The following COL6A1 variants were observed in gnomAD, a reference collection of about 807,000 sequenced individuals.
COL6A1 encodes the protein collagen alpha-1(VI) chain.
COL6A1 carries 80 observed loss-of-function variants against 145.6 expected under a neutral mutation model. The ratio of observed to expected loss-of-function variants is 0.55; its 90% CI spans 0.46 to 0.66. The LOEUF is 0.66. Among genes scored for constraint, COL6A1 ranks in the 30% least tolerant of loss-of-function variants. The pLI is 0.00. For missense variants in COL6A1, 1,364 were observed against 1,473.8 expected, an observed-to-expected ratio of 0.93 and a Z score of 1.22; for synonymous variants, 638 against 622.8, an observed-to-expected ratio of 1.02 and a Z score of -0.36.
intron 13 of COL6A1, 118 bp from the exon 14 acceptor site, chr21:45,990,655 C>A: frequency 1.0e-6 from 1 of 954,548 alleles, no homozygotes; most frequent in Non-Finnish European, 1.7e-6. Context: ...GGGGTGTCTG[C>A]TAGGCAGGGC....
At chr21:45,984,781 G>C (rs371126304) in intron 3 of COL6A1, among the ~76,000 whole-genome samples, 9 of 145,012 alleles carry the variant, frequency 6.2e-5, no homozygotes, top group African/African-American at 2.3e-4. Flanking sequence ...AACAGAGACA[G>C]AGACAGAGAC....
At position 46,003,849 on chromosome 21, in the gene COL6A1, G is replaced by C. The variant is rs371359058; in HGVS notation, c.2923G>C (p.Gly975Arg). 3.7e-6 allele frequency: 6 copies of C among 1,601,402 alleles called. No homozygotes were observed. The highest frequency in any genetic ancestry group is 1.7e-4 in the Middle Eastern group (1 of 6,040). The change falls in exon 35 of 35, where the codon GGC becomes CGC. Residue 975 changes from glycine to arginine, a missense_variant. Coordinates refer to ENST00000361866, the MANE Select transcript of COL6A1 (RefSeq NM_001848.3). ...AGIEIFVVVV[G>R]RQVNEPHIRV... Reference sequence around the variant, plus strand: ...CATCGAGATCTTCGTGGTGGTCGTGGGCCGCCAGGTGAATGAGCCCCACAT... The same window carrying C: ...CATCGAGATCTTCGTGGTGGTCGTGCGCCGCCAGGTGAATGAGCCCCACAT...
Position 46,002,317 on chromosome 21 carries a change from C to T in COL6A1, c.2166C>T (p.Arg722=). 2 of 1,593,242 alleles carry T rather than the reference C, an allele frequency of 1.3e-6. No homozygotes were observed. The highest frequency in any genetic ancestry group is 1.7e-6 in the Non-Finnish European group (2 of 1,171,526). The change falls in exon 32 of 35, where the codon CGC becomes CGT. Residue 722 remains arginine, a synonymous_variant. Transcript: ENST00000361866. Reference sequence around the variant, plus strand: ...TGCTGCCGCCCAGCCCGAACAACCGCATCGCCCTGGTCATCACTGACGGGC... The same window carrying T: ...TGCTGCCGCCCAGCCCGAACAACCGTATCGCCCTGGTCATCACTGACGGGC... ...DQLLPPSPNN[R]IALVITDGRS...
At chr21:45,999,800 T>C (rs1185042097) in intron 27 of COL6A1, 108 bp downstream of exon 27, 2 of 682,674 alleles carry the variant, frequency 2.9e-6, no homozygotes, top group Non-Finnish European at 2.3e-6. Context: ...CACGGGGGGG[T>C]GGGTTGTGGA....
Position 45,998,223 on chromosome 21 carries a change from G to C in COL6A1, c.1575+52G>C, listed in dbSNP as rs190002447. ...GGAACATGCCCAAGCTGCCTGCGGCGCCCTCTTTAGTGGACTGGGCACTCT... is the reference window on the plus strand; with the variant it reads ...GGAACATGCCCAAGCTGCCTGCGGCCCCCTCTTTAGTGGACTGGGCACTCT... On this transcript the variant is annotated intron_variant, in intron 23 of 34. Coordinates refer to ENST00000361866, the MANE Select transcript of COL6A1 (RefSeq NM_001848.3). 14 of 1,598,520 alleles carry C rather than the reference G, an allele frequency of 8.8e-6. No individual in the cohort carries two copies. The Admixed American group carries it at 2.1e-4, about 23-fold the overall frequency.
chr21:46,002,717 A>G lies in COL6A1; in HGVS notation c.2434+7A>G, dbSNP rs769385161. The G allele has an allele frequency of 1.2e-5, 19 of 1,610,228 alleles. No individual in the cohort carries two copies. Among genetic ancestry groups the G allele is most frequent in the East Asian group, 4.5e-5 (2 of 44,730 alleles). ...ACCGCCCAGATCTGCATAGGTGCGC[A>G]TGGGGCCACCCGGGCAGTCCCAGAT... On this transcript the variant is annotated splice_region_variant and intron_variant, in intron 33 of 34. Coordinates refer to ENST00000361866, the MANE Select transcript of COL6A1 (RefSeq NM_001848.3).
At chr21:45,999,819 T>G in intron 27 of COL6A1, 127 bp downstream of exon 27, 1 of 772,684 alleles carries the variant, frequency 1.3e-6, no homozygotes. Context: ...GACAAAGAGC[T>G]GGTGCCAGGC....
Position 45,994,025 on chromosome 21 carries a change from G to A in COL6A1, c.1336-142G>A. 1 of 861,270 alleles carries A rather than the reference G, an allele frequency of 1.2e-6. No homozygotes were observed. Among genetic ancestry groups the A allele is most frequent in the Non-Finnish European group, 1.9e-6 (1 of 521,788 alleles). 53.4% of individuals were successfully genotyped at this position (861,270 alleles called of 1,614,324 possible). A position where few individuals can be genotyped will look rare whatever the true frequency, so the allele number is the denominator to read the frequency against. The stretch of plus-strand genomic sequence containing the variant: ...GTGGGCCGAGGAAACGCTTGGCGAG[G>A]CCAGGAAGGGGCTGTGCGGGGAGGG... On this transcript the variant is annotated intron_variant, in intron 19 of 34. Transcript: ENST00000361866. The surrounding 1 kb of genome is among the most constrained non-coding windows in gnomAD (Gnocchi z 6.8).
rs140701644 is a variant in COL6A1 at position 46,004,647 on chromosome 21, C to T, written c.*634C>T. 4.8e-5 allele frequency: 21 copies of T among 435,446 alleles called. No individual in the cohort carries two copies. Among genetic ancestry groups the T allele is most frequent in the East Asian group, 4.4e-4 (6 of 13,518 alleles). 27.0% of individuals were successfully genotyped at this position (435,446 alleles called of 1,614,324 possible). On this transcript the variant is annotated 3_prime_UTR_variant, in exon 35 of 35. Coordinates refer to ENST00000361866, the MANE Select transcript of COL6A1 (RefSeq NM_001848.3). The stretch of plus-strand genomic sequence containing the variant: ...AGGAGGCCGTTGCAGACATAAATCT[C>T]GGCGACTCGGCCCCGTCTCCTGAGG...
chr21:45,985,227 AGCAGAG>A (rs2077732434), intron 3 of COL6A1, among the ~76,000 whole-genome samples: 2 of 147,840 alleles, frequency 1.4e-5, no homozygotes, highest in African/African-American at 5.0e-5. Context: ...GACAGAGAGA[AGCAGAG>A]ACAGGGACAG....
chr21:45,982,943 C>T (rs927272472), intron 2 of COL6A1, among the ~76,000 whole-genome samples, 180 bp downstream of exon 2: 1 of 152,198 alleles, frequency 6.6e-6, no homozygotes, highest in African/African-American at 2.4e-5. Context: ...CCGGCGCCCT[C>T]CAGAGTGAGC....
rs1359706988 is a variant in COL6A1, at chr21:46,002,227, G to A, written c.2076G>A (p.Lys692=). The change falls in exon 32 of 35, where the codon AAG becomes AAA. Residue 692 remains lysine, a synonymous_variant. Transcript: ENST00000361866. ...GCCCTTTGCTATGCAGAGCCATCAA[G>A]AGCCTGCAGTGGATGGCGGGCGGCA... ...RNVQELKEAI[K]SLQWMAGGTF... The A allele has an allele frequency of 1.2e-6, 2 of 1,602,186 alleles. No homozygotes were observed. Among genetic ancestry groups the A allele is most frequent in the East Asian group, 2.2e-5 (1 of 44,460 alleles).
chr21:45,989,907 C>A (rs556248803), intron 11 of COL6A1, 129 bp downstream of exon 11: 31 of 1,237,444 alleles, frequency 2.5e-5, no homozygotes, highest in Admixed American at 9.2e-5. Context: ...CGCTCCACCG[C>A]CCCTCGCCGT....
chr21:46,004,218 G>T lies in COL6A1; in HGVS notation c.*205G>T, dbSNP rs1384248136. 4.5e-6 allele frequency: 3 copies of T among 672,710 alleles called. No homozygotes were observed. Among genetic ancestry groups the T allele is most frequent in the Non-Finnish European group, 7.5e-6 (3 of 401,290 alleles). The allele number at this position is 672,710 out of a possible 1,614,324, so 41.7% of individuals were successfully genotyped here. On this transcript the variant is annotated 3_prime_UTR_variant, in exon 35 of 35. Transcript: ENST00000361866. ...TCAGCCCTGAGTTGGCATCACCTGCGCAGGGCCCTCTGGGGCTCAGCCCTG... is the reference window on the plus strand; with the variant it reads ...TCAGCCCTGAGTTGGCATCACCTGCTCAGGGCCCTCTGGGGCTCAGCCCTG...
chr21:45,987,748 G>A, intron 8 of COL6A1, 94 bp downstream of exon 8: 1 of 1,393,430 alleles, frequency 7.2e-7, no homozygotes, highest in Non-Finnish European at 9.7e-7. Context: ...TCCACCATGA[G>A]GATCCAGAGG....
intron 30 of COL6A1, 50 bp downstream of exon 30, chr21:46,001,436 C>T: frequency 1.3e-6 from 2 of 1,599,018 alleles, no homozygotes; most frequent in Non-Finnish European, 1.7e-6. Flanking sequence ...CACCCCGACC[C>T]TGCCGGCCGC....
At position 45,997,492 on chromosome 21, in the gene COL6A1, C is replaced by T; in HGVS notation, c.1461+9C>T. Reference sequence around the variant, plus strand: ...GTCCCCCAGGGTCCGAGGTGAGTCCCACTCCCCACCCACACCCGCCCACCC... The same window carrying T: ...GTCCCCCAGGGTCCGAGGTGAGTCCTACTCCCCACCCACACCCGCCCACCC... On this transcript the variant is annotated intron_variant, in intron 21 of 34. Transcript: ENST00000361866. 2 of 1,596,130 alleles carry T rather than the reference C, an allele frequency of 1.3e-6. No individual in the cohort carries two copies. Among genetic ancestry groups the T allele is most frequent in the Non-Finnish European group, 1.7e-6 (2 of 1,174,552 alleles).
In COL6A1 at chr21:45,986,949, G is replaced by A. The variant is rs376592866; in HGVS notation, c.594G>A (p.Pro198=). ...ACCCTGAACACTGCCCCCAGGAGCC[G>A]CGTCTGAGCATCATCGCCACGGACC... ...SVAITPDHLE[P]RLSIIATDHT... The change falls in exon 5 of 35, where the codon CCG becomes CCA. Residue 198 remains proline, a synonymous_variant. Transcript: ENST00000361866. 118 of 1,549,480 alleles carry A rather than the reference G, an allele frequency of 7.6e-5. No individual in the cohort carries two copies. The highest frequency in any genetic ancestry group is 9.3e-5 in the Non-Finnish European group (107 of 1,150,438).
chr21:45,982,648 C>A lies in COL6A1; in HGVS notation c.112C>A (p.Leu38Met). ...AVAFQDCPVD[L>M]FFVLDTSESV... Reference sequence around the variant, plus strand: ...TCTTCGGCCAGACTGCCCCGTGGACCTGTTCTTTGTGCTGGACACCTCTGA... The same window carrying A: ...TCTTCGGCCAGACTGCCCCGTGGACATGTTCTTTGTGCTGGACACCTCTGA... The change falls in exon 2 of 35, where the codon CTG (leucine) becomes ATG (methionine). Residue 38 changes from leucine (L) to methionine (M), a missense_variant. Transcript: ENST00000361866. 1 of 1,612,856 alleles carries A rather than the reference C, an allele frequency of 6.2e-7. No homozygotes were observed. The highest frequency in any genetic ancestry group is 8.5e-7 in the Non-Finnish European group (1 of 1,179,954).
Sources: allele counts gnomAD v4.1 joint callset (sites outside exome capture counted in the v4.1 genomes callset), GRCh38; gene constraint gnomAD v4.1.1; non-coding constraint Gnocchi (gnomAD v3.1); transcripts MANE v1.5; gene names NCBI Gene and HGNC (gene_info 2026-07-23, HGNC 2026-07-21).